Variants in KIAA1217 observed in about 807,000 individuals in gnomAD.
KIAA1217 encodes KIAA1217, also known as sickle tail protein homolog.
In KIAA1217, 88 loss-of-function variants were observed where a neutral mutation model predicts 163.9. The observed-to-expected ratio is 0.54, with a 90% CI of 0.45 to 0.64. The LOEUF (loss-of-function observed/expected upper bound fraction) is 0.64. Ranked by LOEUF, KIAA1217 falls within the 30% of genes least tolerant of loss-of-function variation. The pLI, the probability that KIAA1217 is intolerant of heterozygous loss-of-function variation, is 0.00. For missense variants in KIAA1217, 2,372 were observed against 2,475.0 expected, an observed-to-expected ratio of 0.96 and a Z score of 0.88; for synonymous variants, 903 against 923.1, an observed-to-expected ratio of 0.98 and a Z score of 0.39.
chr10:24,012,516 A>G (rs1181330015), intron 2 of KIAA1217, among the ~76,000 whole-genome samples: 1 of 152,198 alleles, frequency 6.6e-6, no homozygotes, highest in African/African-American at 2.4e-5. Context: ...CCCCAGTCAC[A>G]GAAAACTAGG....
intron 1 of KIAA1217, among the ~76,000 whole-genome samples, chr10:23,906,829 C>A (rs1842182664): frequency 6.6e-6 from 1 of 152,100 alleles, no homozygotes; most frequent in Non-Finnish European, 1.5e-5. Context: ...GGCTAAATTT[C>A]TTTGTAATTG....
chr10:24,390,332 T>C (rs2054685291), intron 3 of KIAA1217, among the ~76,000 whole-genome samples: 1 of 152,066 alleles, frequency 6.6e-6, no homozygotes, highest in Non-Finnish European at 1.5e-5. Context: ...TTCTATATTA[T>C]AAATACTGCA....
intron 1 of KIAA1217, among the ~76,000 whole-genome samples, chr10:23,735,628 A>G (rs930192340): frequency 6.6e-6 from 1 of 151,148 alleles, no homozygotes; most frequent in African/African-American, 2.4e-5. Flanking sequence ...TCATTTTTTA[A>G]TTAGGTTATT....
chr10:23,887,074 C>T (rs553717504), intron 1 of KIAA1217, among the ~76,000 whole-genome samples: 1 of 151,920 alleles, frequency 6.6e-6, no homozygotes, highest in African/African-American at 2.4e-5. Context: ...AGTCAGGAAT[C>T]CTAGATTTTA....
intron 2 of KIAA1217, among the ~76,000 whole-genome samples, chr10:24,036,969 A>G (rs1397986892): frequency 2.0e-5 from 3 of 152,214 alleles, no homozygotes; most frequent in African/African-American, 7.2e-5. Context: ...TGATCAGGCC[A>G]GTTCCAGAGG....
At chr10:23,727,652 T>A (rs1457429127) in intron 1 of KIAA1217, among the ~76,000 whole-genome samples, 1 of 152,210 alleles carries the variant, frequency 6.6e-6, no homozygotes, top group Non-Finnish European at 1.5e-5. Context: ...AAAATAGACA[T>A]TTTAAAATTA....
At chr10:24,472,000 A>G (rs2063574292) in intron 5 of KIAA1217, among the ~76,000 whole-genome samples, 1 of 152,176 alleles carries the variant, frequency 6.6e-6, no homozygotes, top group Non-Finnish European at 1.5e-5. Flanking sequence ...ATGGTCGATT[A>G]ACGCATAGCT....
At chr10:23,783,038 C>T (rs1330910301) in intron 1 of KIAA1217, among the ~76,000 whole-genome samples, 1 of 152,084 alleles carries the variant, frequency 6.6e-6, no homozygotes, top group Non-Finnish European at 1.5e-5. Context: ...AGTTTTTAAT[C>T]AAGAAAGAAT....
chr10:24,066,563 G>C (rs2060956015), intron 2 of KIAA1217, among the ~76,000 whole-genome samples: 1 of 152,030 alleles, frequency 6.6e-6, no homozygotes, highest in South Asian at 2.1e-4. Context: ...TTCCTCTCTG[G>C]CTGCCCTTAA....
intron 1 of KIAA1217, among the ~76,000 whole-genome samples, chr10:23,770,875 G>T (rs1000240577): frequency 1.3e-5 from 2 of 152,174 alleles, no homozygotes; most frequent in African/African-American, 4.8e-5. Context: ...TTTATGGCTT[G>T]CAGTATTGGT....
chr10:24,475,918 G>T (rs945180172), intron 6 of KIAA1217, among the ~76,000 whole-genome samples: 1 of 152,088 alleles, frequency 6.6e-6, no homozygotes, highest in Non-Finnish European at 1.5e-5. Context: ...TGGAACTTAC[G>T]GGAGCAAGAA....
chr10:24,350,531 A>G (rs1488573240), intron 2 of KIAA1217, among the ~76,000 whole-genome samples: 1 of 152,198 alleles, frequency 6.6e-6, no homozygotes, highest in Non-Finnish European at 1.5e-5. Context: ...ATGTGTTTTC[A>G]TGATCCGTTC....
At chr10:24,076,835 T>C (rs2061381836) in intron 2 of KIAA1217, among the ~76,000 whole-genome samples, 1 of 152,178 alleles carries the variant, frequency 6.6e-6, no homozygotes, top group Non-Finnish European at 1.5e-5. Context: ...GCTGTTATAC[T>C]TTCAGATCTA....
chr10:24,358,187 C>T (rs943703610), intron 2 of KIAA1217, among the ~76,000 whole-genome samples: 22 of 151,952 alleles, frequency 1.4e-4, no homozygotes, highest in Non-Finnish European at 2.4e-4. Context: ...GGGAAGGAGA[C>T]AGATAAGAAG....
chr10:24,016,703 T>C (rs1312591307), intron 2 of KIAA1217, among the ~76,000 whole-genome samples: 1 of 152,134 alleles, frequency 6.6e-6, no homozygotes, highest in Admixed American at 6.6e-5. Flanking sequence ...ATTACTTACT[T>C]GCTTTTTACC....
intron 1 of KIAA1217, among the ~76,000 whole-genome samples, chr10:23,925,368 C>T (rs774246743): frequency 6.6e-6 from 1 of 152,062 alleles, no homozygotes; most frequent in Non-Finnish European, 1.5e-5. Flanking sequence ...ATAAAACTCC[C>T]GGAGCTTCAT....
Position 24,371,300 on chromosome 10 carries a change from C to G in KIAA1217, c.355-9569C>G, listed in dbSNP as rs16924681. ...GATTTAGCAGCTCCTCTAGGTGGAA[C>G]CAAACCTCTTCAAGGGAAAAAAAAG... On this transcript the variant is annotated intron_variant, in intron 2 of 20. Coordinates refer to ENST00000376454, the MANE Select transcript of KIAA1217 (RefSeq NM_019590.5). 9.3e-3 allele frequency among the ~76,000 whole-genome samples: 1,410 copies of G among 152,146 alleles called. 46 individuals carry two copies. In the East Asian group the frequency reaches 0.099, roughly 11 times the overall value.
rs149613831 is a variant in KIAA1217 at position 24,293,759 on chromosome 10, C to T, written c.354+73850C>T. On this transcript the variant is annotated intron_variant, in intron 2 of 20. Coordinates refer to ENST00000376454, the MANE Select transcript of KIAA1217 (RefSeq NM_019590.5). The stretch of plus-strand genomic sequence containing the variant: ...TAATAGCTTCTCTCTACTGACTATT[C>T]ACTTGTCACAGCTGACATGAAGGTT... 3.3e-3 allele frequency among the ~76,000 whole-genome samples: 505 copies of T among 152,316 alleles called. 1 individual carries two copies. The highest frequency in any genetic ancestry group is 0.012 in the African/African-American group (481 of 41,574).
At chr10:23,813,183 G>A (rs1837154312) in intron 1 of KIAA1217, among the ~76,000 whole-genome samples, 1 of 152,028 alleles carries the variant, frequency 6.6e-6, no homozygotes, top group Admixed American at 6.6e-5. Context: ...TTTCTCTGAT[G>A]GCTCATCATG....
Sources: allele counts gnomAD v4.1 joint callset (sites outside exome capture counted in the v4.1 genomes callset), GRCh38; gene constraint gnomAD v4.1.1; transcripts MANE v1.5; gene names NCBI Gene and HGNC (gene_info 2026-07-23, HGNC 2026-07-21).